Variants in BICDL1 observed in about 807,000 individuals in gnomAD.
BICDL1 encodes the protein BICD family like cargo adaptor 1.
A neutral mutation model predicts 76.8 loss-of-function variants in BICDL1; 20 were observed. That is an observed-to-expected ratio of 0.26 (90% confidence interval 0.18 to 0.38). BICDL1 has a LOEUF of 0.38. Among genes scored for constraint, BICDL1 ranks in the 10% least tolerant of loss-of-function variants. The pLI is 1.00. For missense variants in BICDL1, 700 were observed against 798.6 expected, an observed-to-expected ratio of 0.88 and a Z score of 1.49; for synonymous variants, 383 against 337.1, an observed-to-expected ratio of 1.14 and a Z score of -1.49.
intron 2 of BICDL1, among the ~76,000 whole-genome samples, chr12:120,056,754 A>AGAT (rs1357400177): frequency 2.0e-5 from 3 of 151,920 alleles, no homozygotes; most frequent in African/African-American, 7.3e-5. Flanking sequence ...AGTGAAAGAA[A>AGAT]GATTTGGGCA....
chr12:120,019,567 A>G (rs900612327), intron 2 of BICDL1, among the ~76,000 whole-genome samples: 3 of 152,200 alleles, frequency 2.0e-5, no homozygotes, highest in Non-Finnish European at 2.9e-5. Context: ...GTGGCATTAC[A>G]TCATTAGTGC....
intron 2 of BICDL1, chr12:120,000,531 C>T (rs1951738445): frequency 6.6e-6 from 1 of 152,108 alleles, no homozygotes; most frequent in Non-Finnish European, 1.5e-5. Context: ...TTAATACATA[C>T]TTTGAGTAAG....
At chr12:120,030,555 G>A (rs1489406485) in intron 2 of BICDL1, among the ~76,000 whole-genome samples, 1 of 152,126 alleles carries the variant, frequency 6.6e-6, no homozygotes, top group East Asian at 1.9e-4. Flanking sequence ...GGCTTATATT[G>A]TCTCCTGTTT....
chr12:120,022,975 CAT>C (rs1952214106), intron 2 of BICDL1, among the ~76,000 whole-genome samples: 2 of 152,192 alleles, frequency 1.3e-5, no homozygotes, highest in African/African-American at 2.4e-5. Context: ...TCAACATAAA[CAT>C]GTGAGCAAAC....
chr12:120,056,996 G>A (rs1260043318), intron 2 of BICDL1: 3 of 488,838 alleles, frequency 6.1e-6, no homozygotes, highest in African/African-American at 3.9e-5. Flanking sequence ...TAGGAGCCCA[G>A]TGGTCCTCTC....
At chr12:120,070,528 A>C (rs1873005416) in intron 4 of BICDL1, among the ~76,000 whole-genome samples, 1 of 152,202 alleles carries the variant, frequency 6.6e-6, no homozygotes, top group Admixed American at 6.5e-5. Context: ...AAAAAGTACT[A>C]ACTCTAAAAG....
At chr12:120,019,459 C>T (rs190957840) in intron 2 of BICDL1, among the ~76,000 whole-genome samples, 98 of 152,188 alleles carry the variant, frequency 6.4e-4, no homozygotes, top group Admixed American at 6.4e-3. Context: ...TATACTAGTG[C>T]CCTGTGTGCA....
chr12:120,042,191 T>C (rs1248875707), intron 2 of BICDL1, among the ~76,000 whole-genome samples: 4 of 152,154 alleles, frequency 2.6e-5, no homozygotes, highest in Admixed American at 6.5e-5. Flanking sequence ...GCACCTATTA[T>C]ATGCCAGGCA....
rs563539378 is a variant in BICDL1 at position 119,999,338 on chromosome 12, T to C, written c.645+602T>C. Among the ~76,000 whole-genome samples, 4 of 152,360 alleles carry C rather than the reference T, an allele frequency of 2.6e-5. No homozygotes were observed. In the East Asian group the frequency reaches 5.8e-4, roughly 22 times the overall value. On this transcript the variant is annotated intron_variant, in intron 2 of 9. Coordinates refer to ENST00000548673, the MANE Select transcript of BICDL1 (RefSeq NM_001367886.1). ...ATGACTTCTGACGTTTTTATAGCTC[T>C]AAAAGTCTGTGATTACTTTACCTAT...
chr12:120,061,251 G>A (rs1238652772), intron 2 of BICDL1, among the ~76,000 whole-genome samples: 1 of 152,210 alleles, frequency 6.6e-6, no homozygotes, highest in Non-Finnish European at 1.5e-5. Context: ...TAGTGTCCAT[G>A]TTAAGTAGAG....
rs1873084945 is a variant in BICDL1 at position 120,071,285 on chromosome 12, G to A, written c.910-337G>A. ...ATTCCCCAAGTAGCTGGGATTTCAG[G>A]TACCCGCCACCACGCCCAGCTAATT... On this transcript the variant is annotated intron_variant, in intron 4 of 9. Coordinates refer to ENST00000548673, the MANE Select transcript of BICDL1 (RefSeq NM_001367886.1). The surrounding 1 kb of genome is among the most constrained non-coding windows in gnomAD (Gnocchi z 4.8). Among the ~76,000 whole-genome samples, 1 of 151,578 alleles carries A rather than the reference G, an allele frequency of 6.6e-6. No homozygotes were observed. The highest frequency in any genetic ancestry group is 6.6e-5 in the Admixed American group (1 of 15,204).
At chr12:120,080,790 C>T (rs1194292264) in intron 7 of BICDL1, 97 bp from the exon 8 acceptor site, 2 of 1,418,858 alleles carry the variant, frequency 1.4e-6, no homozygotes, top group African/African-American at 1.4e-5. Flanking sequence ...CACACATGTA[C>T]CCTGGTCCTG....
chr12:120,058,034 C>T (rs1053503160), intron 2 of BICDL1, among the ~76,000 whole-genome samples: 14 of 151,778 alleles, frequency 9.2e-5, no homozygotes, highest in African/African-American at 2.9e-4. Context: ...GGAGTTTCAC[C>T]GTGTTAGCCA....
chr12:120,053,141 G>A (rs1033533506), intron 2 of BICDL1, among the ~76,000 whole-genome samples: 3 of 149,934 alleles, frequency 2.0e-5, no homozygotes, highest in Admixed American at 6.6e-5. Context: ...GTGCAATGGC[G>A]CAATCTCGGC....
chr12:119,996,171 A>G (rs1951641673), intron 1 of BICDL1, among the ~76,000 whole-genome samples: 1 of 152,134 alleles, frequency 6.6e-6, no homozygotes, highest in South Asian at 2.1e-4. Context: ...TCTCCAAATG[A>G]GTTGTCTCCT....
At chr12:120,088,080 C>T (rs1317150498) in intron 8 of BICDL1, among the ~76,000 whole-genome samples, 1 of 152,086 alleles carries the variant, frequency 6.6e-6, no homozygotes, top group Non-Finnish European at 1.5e-5. Context: ...AGGCAGCATG[C>T]GCCACCACGC....
chr12:120,053,629 C>G (rs187082012), intron 2 of BICDL1, among the ~76,000 whole-genome samples: 1 of 152,274 alleles, frequency 6.6e-6, no homozygotes, highest in East Asian at 1.9e-4. Flanking sequence ...TTCTTACTTT[C>G]CAGTACCATG....
intron 9 of BICDL1, chr12:120,090,789 C>G: frequency 1.1e-6 from 1 of 903,098 alleles, no homozygotes; most frequent in South Asian, 1.4e-5. Flanking sequence ...CCCCATGGGG[C>G]TGGCAGCCAG....
At chr12:120,044,720 T>C (rs1952712037) in intron 2 of BICDL1, among the ~76,000 whole-genome samples, 1 of 152,134 alleles carries the variant, frequency 6.6e-6, no homozygotes, top group African/African-American at 2.4e-5. Context: ...TAGTTGTAGA[T>C]ATGCGGCGTT....
Sources: gnomAD v4.1 joint callset for allele counts (sites outside exome capture counted in the v4.1 genomes callset) on GRCh38, gnomAD v4.1.1 for gene constraint, Gnocchi (gnomAD v3.1) non-coding constraint, MANE v1.5 for transcripts, NCBI Gene and HGNC (gene_info 2026-07-23, HGNC 2026-07-21) for gene names.